Variants in PLCG2 observed in about 807,000 individuals in gnomAD.
PLCG2 encodes the protein phospholipase C gamma 2.
In PLCG2, 69 loss-of-function variants were observed where a neutral mutation model predicts 175.6. The ratio of observed to expected loss-of-function variants is 0.39; its 90% CI spans 0.32 to 0.48. The LOEUF is 0.48. PLCG2 is among the 20% of genes least tolerant of loss of function. The pLI is 0.91. For synonymous variants in PLCG2, 827 were observed against 624.0 expected, an observed-to-expected ratio of 1.33 and a Z score of -4.85; for missense variants, 1,798 against 1,650.9, an observed-to-expected ratio of 1.09 and a Z score of -1.54.
chr16:81,798,870 T>G (rs1016441743), intron 2 of PLCG2: 3 of 152,370 alleles, frequency 2.0e-5, no homozygotes, highest in African/African-American at 7.2e-5. Flanking sequence ...TCTCTGCTCC[T>G]GCTTCGGCTG....
At chr16:81,796,572 C>A (rs914187450) in intron 2 of PLCG2, among the ~76,000 whole-genome samples, 1 of 152,208 alleles carries the variant, frequency 6.6e-6, no homozygotes, top group Non-Finnish European at 1.5e-5. Flanking sequence ...TCCTAATCCC[C>A]ATACTCAGAA....
In PLCG2 at chr16:81,903,043, G is replaced by C. The variant is rs373096729; in HGVS notation, c.1362+2263G>C. ...AGCTGCAATTCAAGGTGAGATTTGG[G>C]TGGGGACACAGCCAAACCATATTAC... On this transcript the variant is annotated intron_variant, in intron 14 of 32. Transcript: ENST00000564138. Among the ~76,000 whole-genome samples, 74 of 152,322 alleles carry C rather than the reference G, an allele frequency of 4.9e-4. 1 individual carries two copies. Among genetic ancestry groups the C allele is most frequent in the African/African-American group, 1.6e-3 (68 of 41,568 alleles).
intron 1 of PLCG2, among the ~76,000 whole-genome samples, chr16:81,744,051 G>A (rs556321703): frequency 2.0e-5 from 3 of 152,034 alleles, no homozygotes; most frequent in South Asian, 4.2e-4. Context: ...GTAAAGACAG[G>A]GTTTCACTGT....
intron 2 of PLCG2, among the ~76,000 whole-genome samples, chr16:81,822,928 G>C (rs1307064698): frequency 6.6e-6 from 1 of 152,216 alleles, no homozygotes; most frequent in African/African-American, 2.4e-5. Flanking sequence ...CCAGGAAGCA[G>C]GTTTTCCCTC....
intron 19 of PLCG2, among the ~76,000 whole-genome samples, chr16:81,917,402 A>C (rs1909887754): frequency 6.6e-6 from 1 of 151,890 alleles, no homozygotes; most frequent in African/African-American, 2.4e-5. Context: ...TTTCCTTCAG[A>C]TATATACCGA....
At chr16:81,918,436 G>C (rs1432137113) in intron 19 of PLCG2, among the ~76,000 whole-genome samples, 1 of 152,076 alleles carries the variant, frequency 6.6e-6, no homozygotes, top group African/African-American at 2.4e-5. Flanking sequence ...TTTCTATATA[G>C]GAATTTATTT....
At chr16:81,860,166 ATTATTATT>A (rs1237101430) in intron 5 of PLCG2, among the ~76,000 whole-genome samples, 13 of 99,672 alleles carry the variant, frequency 1.3e-4, no homozygotes, top group Admixed American at 3.0e-4. Context: ...TATTATTATT[ATTATTATT>A]TTTTTTTTTT....
exon 1 of PLCG2, chr16:81,739,288 A>G (rs1286427005): frequency 6.6e-6 from 1 of 151,850 alleles, no homozygotes; most frequent in African/African-American, 2.4e-5. Flanking sequence ...TTAAGCCTCT[A>G]TCTGCTTACG....
chr16:81,908,922 C>G (rs1942840358), intron 17 of PLCG2, among the ~76,000 whole-genome samples: 1 of 152,220 alleles, frequency 6.6e-6, no homozygotes, highest in South Asian at 2.1e-4. Context: ...TTTCCCCGAT[C>G]CCAGCCCTGG....
chr16:81,902,237 G>C (rs4889436), intron 14 of PLCG2, among the ~76,000 whole-genome samples: 1 of 152,130 alleles, frequency 6.6e-6, no homozygotes, highest in Admixed American at 6.5e-5. Context: ...GACATTCCAC[G>C]AGCTCATGGG....
chr16:81,772,496 A>G (rs1017619762), intron 2 of PLCG2, among the ~76,000 whole-genome samples: 2 of 151,962 alleles, frequency 1.3e-5, no homozygotes, highest in East Asian at 3.9e-4. Context: ...GGTATTAAAT[A>G]AGGGCTCAGT....
chr16:81,950,919 G>T (rs886225809), intron 31 of PLCG2, among the ~76,000 whole-genome samples: 5 of 151,992 alleles, frequency 3.3e-5, no homozygotes, highest in Non-Finnish European at 7.4e-5. Context: ...AAAAGAGATA[G>T]AAACCAACTG....
At chr16:81,927,593 G>A (rs1207291097) in intron 23 of PLCG2, among the ~76,000 whole-genome samples, 1 of 152,180 alleles carries the variant, frequency 6.6e-6, no homozygotes, top group Non-Finnish European at 1.5e-5. Context: ...TGGTGACTTT[G>A]CAAACCTGGT....
At chr16:81,792,412 C>T (rs377564862) in intron 2 of PLCG2, among the ~76,000 whole-genome samples, 3 of 130,188 alleles carry the variant, frequency 2.3e-5, no homozygotes, top group Non-Finnish European at 3.1e-5. Context: ...ATGTGCAAGG[C>T]GGAGGCTGCA....
chr16:81,796,908 A>G (rs1209208867), intron 2 of PLCG2, among the ~76,000 whole-genome samples: 3 of 152,216 alleles, frequency 2.0e-5, no homozygotes, highest in Non-Finnish European at 2.9e-5. Context: ...GGCCTAACAC[A>G]CAAATACACT....
intron 1 of PLCG2, among the ~76,000 whole-genome samples, chr16:81,751,760 A>G (rs2143066851): frequency 1.3e-5 from 2 of 152,248 alleles, no homozygotes; most frequent in African/African-American, 4.8e-5. Flanking sequence ...AGTGGCTCAC[A>G]GCTGTAATCC....
chr16:81,936,982 G>C (rs1381765607), intron 27 of PLCG2, among the ~76,000 whole-genome samples: 1 of 152,226 alleles, frequency 6.6e-6, no homozygotes, highest in Non-Finnish European at 1.5e-5. Context: ...GTCATAGACA[G>C]CACTGCCTTC....
At chr16:81,798,660 A>T (rs1182403445) in intron 2 of PLCG2, 1 of 152,376 alleles carries the variant, frequency 6.6e-6, no homozygotes, top group African/African-American at 2.4e-5. Flanking sequence ...TGGGAGGTGA[A>T]GTATCTGTGT....
intron 18 of PLCG2, among the ~76,000 whole-genome samples, chr16:81,912,378 T>C (rs896939727): frequency 2.6e-5 from 4 of 152,258 alleles, no homozygotes; most frequent in Non-Finnish European, 5.9e-5. Context: ...ATGTATTATT[T>C]TGGGCTTGAA....
Sources: gnomAD v4.1 joint callset for allele counts (sites outside exome capture counted in the v4.1 genomes callset) on GRCh38, gnomAD v4.1.1 for gene constraint, MANE v1.5 for transcripts, NCBI Gene and HGNC (gene_info 2026-07-23, HGNC 2026-07-21) for gene names.